The following SOX5 variants were observed in gnomAD, a reference collection of about 807,000 sequenced individuals.
SOX5 encodes SRY-box transcription factor 5.
Under a neutral mutation model 92.0 loss-of-function variants are expected in SOX5, and 9 were observed. The ratio of observed to expected loss-of-function variants is 0.10; its 90% CI spans 0.06 to 0.17. The LOEUF (loss-of-function observed/expected upper bound fraction) is 0.17. Among genes scored for constraint, SOX5 ranks in the 10% least tolerant of loss-of-function variants. The probability of loss-of-function intolerance (pLI) is 1.00; values close to 1 mark genes in which losing one functional copy is unlikely to be tolerated. For synonymous variants in SOX5, 344 were observed against 336.3 expected, an observed-to-expected ratio of 1.02 and a Z score of -0.25; for missense variants, 642 against 944.5, an observed-to-expected ratio of 0.68 and a Z score of 4.20.
chr12:24,071,265 T>A (rs1043405906), intron 4 of SOX5, among the ~76,000 whole-genome samples: 2 of 152,170 alleles, frequency 1.3e-5, no homozygotes, highest in Admixed American at 6.5e-5. Flanking sequence ...ATTAACCCCA[T>A]TCTATCTGGC....
At position 24,532,030 on chromosome 12, in the gene SOX5, G is replaced by A. The variant is rs570479220; in HGVS notation, c.-251+30299C>T. The stretch of plus-strand genomic sequence containing the variant: ...TTGGACAAAATGGTCAACTTTGTAC[G>A]TAAGCCTAATGAAAGCAAATATCAA... On this transcript the variant is annotated intron_variant, in intron 1 of 4. Coordinates refer to the SOX5 transcript ENST00000446891. 2.6e-5 allele frequency among the ~76,000 whole-genome samples: 4 copies of A among 152,258 alleles called. No homozygotes were observed. The East Asian group carries it at 5.8e-4, about 22-fold the overall frequency.
In SOX5 at chr12:23,890,253, G is replaced by C. The variant is rs560953805; in HGVS notation, c.270+5540C>G. On this transcript the variant is annotated intron_variant, in intron 2 of 14. Coordinates refer to ENST00000451604, the MANE Select transcript of SOX5 (RefSeq NM_006940.6). ...GATAATCACTTGAATGTGGGAGGCG[G>C]AAGTTGCAGCGAGCCAAGACTATGT... Among the ~76,000 whole-genome samples the C allele has an allele frequency of 2.2e-3, 324 of 150,370 alleles. 2 individuals are homozygous for C. Among genetic ancestry groups the C allele is most frequent in the Non-Finnish European group, 4.0e-3 (269 of 67,836 alleles).
rs114845324 is a variant in SOX5 at position 24,054,578 on chromosome 12, T to C, written c.-1-158554A>G. On this transcript the variant is annotated intron_variant, in intron 4 of 4. Coordinates refer to the SOX5 transcript ENST00000446891. Reference sequence around the variant, plus strand: ...ATAAATCTCCCTGACACAGGCATGGTTTCCTTTTCCTGTGCCAATTGCTCT... The same window carrying C: ...ATAAATCTCCCTGACACAGGCATGGCTTCCTTTTCCTGTGCCAATTGCTCT... Among the ~76,000 whole-genome samples, 790 of 152,296 alleles carry C rather than the reference T, an allele frequency of 5.2e-3. 10 individuals are homozygous for C. The highest frequency in any genetic ancestry group is 0.018 in the African/African-American group (737 of 41,566).
intron 3 of SOX5, among the ~76,000 whole-genome samples, chr12:24,255,004 T>C (rs1449180812): frequency 1.3e-5 from 2 of 151,902 alleles, no homozygotes; most frequent in Admixed American, 1.3e-4. Flanking sequence ...CAATAACAAA[T>C]GAAGAGAAAC....
rs527516797 is a variant in SOX5, at chr12:24,393,944, T to C, written c.-250-25305A>G. 3.3e-5 allele frequency among the ~76,000 whole-genome samples: 5 copies of C among 152,272 alleles called. No homozygotes were observed. Among genetic ancestry groups the C allele is most frequent in the Non-Finnish European group, 5.9e-5 (4 of 68,018 alleles). On this transcript the variant is annotated intron_variant, in intron 1 of 4. Coordinates refer to the SOX5 transcript ENST00000446891. This position sits in a 1 kb window ranked among gnomAD's most constrained non-coding sequence, Gnocchi z 5.0. ...TAAAGATGGCAAAATATTCTTAAAATACCCTGCGTGGGGAAAAATAAAACC... is the reference window on the plus strand; with the variant it reads ...TAAAGATGGCAAAATATTCTTAAAACACCCTGCGTGGGGAAAAATAAAACC...
chr12:23,701,922 T>G (rs2090688735), intron 6 of SOX5, among the ~76,000 whole-genome samples: 1 of 152,082 alleles, frequency 6.6e-6, no homozygotes, highest in East Asian at 1.9e-4. Context: ...TGCCAATCCT[T>G]AAAAACACTA....
intron 6 of SOX5, among the ~76,000 whole-genome samples, chr12:23,678,745 C>T: frequency 6.6e-6 from 1 of 151,956 alleles, no homozygotes; most frequent in East Asian, 1.9e-4. Flanking sequence ...GATAAAGAAA[C>T]AGGGAAGCCT....
chr12:23,866,475 C>A (rs1021415210), intron 2 of SOX5, among the ~76,000 whole-genome samples: 8 of 152,180 alleles, frequency 5.3e-5, no homozygotes, highest in Non-Finnish European at 7.3e-5. Flanking sequence ...GAGAGGCATC[C>A]AGGTCATCTT....
intron 6 of SOX5, among the ~76,000 whole-genome samples, chr12:23,702,803 G>C (rs1349116453): frequency 6.6e-6 from 1 of 151,728 alleles, no homozygotes; most frequent in African/African-American, 2.4e-5. Context: ...TATGTGTATA[G>C]AATAATCAAA....
At chr12:23,615,123 G>T (rs922110222) in intron 8 of SOX5, among the ~76,000 whole-genome samples, 28 of 151,972 alleles carry the variant, frequency 1.8e-4, no homozygotes, top group Non-Finnish European at 3.7e-4. Flanking sequence ...TCAATACTTG[G>T]TATTGTCTTT....
At chr12:23,617,214 G>A (rs949410008) in intron 8 of SOX5, among the ~76,000 whole-genome samples, 2 of 151,720 alleles carry the variant, frequency 1.3e-5, no homozygotes, top group Non-Finnish European at 2.9e-5. Flanking sequence ...GAAATTTTCT[G>A]CCTTCAGAGA....
intron 4 of SOX5, among the ~76,000 whole-genome samples, chr12:24,018,277 T>C (rs986719399): frequency 2.0e-5 from 3 of 152,236 alleles, no homozygotes; most frequent in African/African-American, 7.2e-5. Flanking sequence ...GTTGCTGTTT[T>C]ATCATTTGCT....
intron 4 of SOX5, among the ~76,000 whole-genome samples, chr12:23,746,838 C>T (rs760342851): frequency 1.4e-4 from 22 of 152,116 alleles, no homozygotes; most frequent in African/African-American, 4.3e-4. Flanking sequence ...GGGTGGGAGC[C>T]GGTGGGAGGT....
chr12:24,296,143 T>C (rs565997836), intron 2 of SOX5, among the ~76,000 whole-genome samples: 14 of 152,346 alleles, frequency 9.2e-5, no homozygotes, highest in Middle Eastern at 6.8e-3. Flanking sequence ...CCAAGGTTTA[T>C]GTGAGACTCC....
chr12:24,164,375 T>C lies in SOX5; in HGVS notation c.-2+48968A>G, dbSNP rs12314681. Among the ~76,000 whole-genome samples, 1,383 of 151,560 alleles carry C rather than the reference T, an allele frequency of 9.1e-3. 23 individuals are homozygous for C. Among genetic ancestry groups the C allele is most frequent in the African/African-American group, 0.031 (1,299 of 41,494 alleles). Reference sequence around the variant, plus strand: ...CTTTTTAATTAAGAAAGCTCCAACATACATATATATTTTATCTAATTTCTC... The same window carrying C: ...CTTTTTAATTAAGAAAGCTCCAACACACATATATATTTTATCTAATTTCTC... On this transcript the variant is annotated intron_variant, in intron 4 of 4. Transcript: ENST00000446891.
intron 2 of SOX5, among the ~76,000 whole-genome samples, chr12:24,366,109 T>C (rs775012865): frequency 4.0e-4 from 61 of 152,178 alleles, no homozygotes; most frequent in Middle Eastern, 3.2e-3. Context: ...GAATTTCTTA[T>C]CCTAGAACCC....
At chr12:24,489,108 A>C (rs150244862) in intron 1 of SOX5, among the ~76,000 whole-genome samples, 1 of 152,290 alleles carries the variant, frequency 6.6e-6, no homozygotes, top group Non-Finnish European at 1.5e-5. Flanking sequence ...CTCAGGCCTA[A>C]AGTGACCTTT....
At chr12:23,849,474 C>G (rs1017199089) in intron 2 of SOX5, among the ~76,000 whole-genome samples, 1 of 152,126 alleles carries the variant, frequency 6.6e-6, no homozygotes, top group Non-Finnish European at 1.5e-5. Flanking sequence ...AGTATATGCT[C>G]AAGGTCACAT....
intron 6 of SOX5, among the ~76,000 whole-genome samples, chr12:23,722,540 T>C (rs1411575912): frequency 1.3e-5 from 2 of 152,214 alleles, no homozygotes; most frequent in African/African-American, 2.4e-5. Context: ...CAAATGTATA[T>C]AAATGATTAA....
Sources: allele counts gnomAD v4.1 joint callset (sites outside exome capture counted in the v4.1 genomes callset), GRCh38; gene constraint gnomAD v4.1.1; non-coding constraint Gnocchi (gnomAD v3.1); transcripts MANE v1.5; gene names NCBI Gene and HGNC (gene_info 2026-07-23, HGNC 2026-07-21).